The following PIBF1 variants were observed in gnomAD, a reference collection of about 807,000 sequenced individuals.
The protein encoded by PIBF1 is progesterone-induced-blocking factor 1.
In PIBF1, 90 loss-of-function variants were observed where a neutral mutation model predicts 112.5. The ratio of observed to expected loss-of-function variants is 0.80; its 90% CI spans 0.67 to 0.95. PIBF1 has a LOEUF of 0.95. PIBF1 is among the 40% of genes least tolerant of loss of function. The pLI is 0.00. For synonymous variants in PIBF1, 301 were observed against 288.6 expected (o/e 1.04, Z -0.44); for missense variants, 915 against 852.3 (o/e 1.07, Z -0.92).
intron 10 of PIBF1, among the ~76,000 whole-genome samples, chr13:72,869,805 C>T (rs1404699171): frequency 6.6e-6 from 1 of 151,418 alleles, no homozygotes; most frequent in Non-Finnish European, 1.5e-5. Context: ...AACCCCCCAC[C>T]TCCACACACA....
chr13:72,802,159 AT>A (rs906624175), intron 5 of PIBF1, among the ~76,000 whole-genome samples: 10 of 150,210 alleles, frequency 6.7e-5, no homozygotes, highest in South Asian at 2.1e-4. Flanking sequence ...TTACACATGG[AT>A]TTTTTTTTTG....
intron 8 of PIBF1, among the ~76,000 whole-genome samples, chr13:72,831,349 T>G (rs1000432983): frequency 2.0e-5 from 3 of 152,120 alleles, no homozygotes; most frequent in African/African-American, 7.2e-5. Context: ...TCTTTTAATT[T>G]TGATGTTAGG....
intron 15 of PIBF1, among the ~76,000 whole-genome samples, chr13:72,972,738 A>G (rs990625335): frequency 1.3e-5 from 2 of 152,006 alleles, no homozygotes; most frequent in Admixed American, 1.3e-4. Context: ...TGTCTTTTTT[A>G]TTGTAATCAT....
chr13:72,879,181 T>C (rs1213468675), intron 10 of PIBF1, among the ~76,000 whole-genome samples: 1 of 152,190 alleles, frequency 6.6e-6, no homozygotes, highest in Admixed American at 6.5e-5. Context: ...TTTTCACTCT[T>C]TTTCTTTTTT....
At chr13:72,894,767 T>C (rs2040202278) in intron 11 of PIBF1, among the ~76,000 whole-genome samples, 1 of 116,712 alleles carries the variant, frequency 8.6e-6, no homozygotes, top group African/African-American at 3.6e-5. Context: ...ATTATATATA[T>C]ATATAGTGTG....
intron 5 of PIBF1, among the ~76,000 whole-genome samples, chr13:72,807,464 A>T (rs1164614575): frequency 1.3e-5 from 2 of 152,264 alleles, no homozygotes; most frequent in East Asian, 3.9e-4. Context: ...AGTCCCAGCT[A>T]CTCAGGAGGC....
intron 17 of PIBF1, 147 bp downstream of exon 17, chr13:72,999,142 C>T (rs1417017528): frequency 1.8e-6 from 1 of 561,788 alleles, no homozygotes; most frequent in African/African-American, 1.9e-5. Flanking sequence ...TGCATTAATC[C>T]ATTTTCTAAA....
chr13:72,860,165 C>G (rs1235539049), intron 10 of PIBF1, among the ~76,000 whole-genome samples: 1 of 152,086 alleles, frequency 6.6e-6, no homozygotes, highest in Non-Finnish European at 1.5e-5. Context: ...GTTTAAAGCC[C>G]CCTTTCATCC....
chr13:72,799,570 A>C (rs2035370550), intron 5 of PIBF1, among the ~76,000 whole-genome samples: 1 of 151,692 alleles, frequency 6.6e-6, no homozygotes, highest in Admixed American at 6.6e-5. Flanking sequence ...AGTTCAATTA[A>C]AAAAAAAATT....
intron 14 of PIBF1, among the ~76,000 whole-genome samples, chr13:72,945,001 G>T (rs1387748015): frequency 6.6e-6 from 1 of 152,062 alleles, no homozygotes; most frequent in Non-Finnish European, 1.5e-5. Flanking sequence ...TGTCACCCAG[G>T]TAGTGAGCAT....
At chr13:72,861,653 C>T (rs2038703371) in intron 10 of PIBF1, among the ~76,000 whole-genome samples, 2 of 152,090 alleles carry the variant, frequency 1.3e-5, no homozygotes, top group Non-Finnish European at 2.9e-5. Context: ...CAGCCTCCAC[C>T]TCCCAGAGTT....
intron 9 of PIBF1, among the ~76,000 whole-genome samples, chr13:72,848,567 C>T (rs978485543): frequency 6.6e-6 from 1 of 152,080 alleles, no homozygotes; most frequent in East Asian, 1.9e-4. Flanking sequence ...AACTCTTGGC[C>T]GGGCGCGGTG....
intron 9 of PIBF1, among the ~76,000 whole-genome samples, chr13:72,838,175 C>T (rs2037445018): frequency 6.6e-6 from 1 of 152,166 alleles, no homozygotes; most frequent in Non-Finnish European, 1.5e-5. Context: ...TTGAAATGTA[C>T]CATTTGCCAG....
chr13:72,924,524 C>T (rs1020264804), intron 13 of PIBF1, among the ~76,000 whole-genome samples: 5 of 152,120 alleles, frequency 3.3e-5, no homozygotes, highest in African/African-American at 1.2e-4. Flanking sequence ...GAGTTTGAGA[C>T]TAGCCTGGGT....
At chr13:72,856,660 A>G (rs908988448) in intron 10 of PIBF1, among the ~76,000 whole-genome samples, 4 of 152,212 alleles carry the variant, frequency 2.6e-5, no homozygotes, top group African/African-American at 7.2e-5. Flanking sequence ...AAAATGCTTA[A>G]AATAGCTAAA....
intron 10 of PIBF1, among the ~76,000 whole-genome samples, chr13:72,887,926 A>G (rs1003534067): frequency 2.0e-5 from 3 of 152,186 alleles, no homozygotes; most frequent in Non-Finnish European, 4.4e-5. Context: ...ACAAATAAGA[A>G]TACCCTCCAC....
At chr13:72,971,794 G>T (rs1198230348) in intron 15 of PIBF1, among the ~76,000 whole-genome samples, 1 of 152,006 alleles carries the variant, frequency 6.6e-6, no homozygotes, top group Non-Finnish European at 1.5e-5. Context: ...CAGTGGCACA[G>T]TTGGGAACAG....
At chr13:72,853,627 C>T (rs2038272079) in intron 9 of PIBF1, among the ~76,000 whole-genome samples, 1 of 152,118 alleles carries the variant, frequency 6.6e-6, no homozygotes, top group African/African-American at 2.4e-5. Flanking sequence ...TTCAATGATT[C>T]TCTTGCTCGT....
At chr13:73,010,467 G>A (rs1038372082) in intron 17 of PIBF1, among the ~76,000 whole-genome samples, 2 of 151,966 alleles carry the variant, frequency 1.3e-5, no homozygotes, top group South Asian at 2.1e-4. Flanking sequence ...GCCAGGGGTG[G>A]TGGTGCATGC....
Sources: allele counts gnomAD v4.1 joint callset (sites outside exome capture counted in the v4.1 genomes callset), GRCh38; gene constraint gnomAD v4.1.1; transcripts MANE v1.5; gene names NCBI Gene and HGNC (gene_info 2026-07-23, HGNC 2026-07-21).